The following CDH8 variants were observed in gnomAD, a reference collection of about 807,000 sequenced individuals.
The protein encoded by CDH8 is cadherin 8.
A neutral mutation model predicts 68.1 loss-of-function variants in CDH8; 17 were observed. That is an observed-to-expected ratio of 0.25 (90% CI 0.17 to 0.37). CDH8 has a LOEUF of 0.37. Ranked by LOEUF, CDH8 falls within the 10% of genes least tolerant of loss-of-function variation. The pLI, the probability that CDH8 is intolerant of heterozygous loss-of-function variation, is 1.00. For missense variants in CDH8, 763 were observed against 999.3 expected (o/e 0.76, Z 3.19); for synonymous variants, 372 against 365.1 (o/e 1.02, Z -0.21).
At chr16:61,726,999 A>G (rs755069578) in intron 9 of CDH8, 95 bp downstream of exon 9, 1 of 1,328,210 alleles carries the variant, frequency 7.5e-7, no homozygotes, top group Admixed American at 1.8e-5. Context: ...TTTGCAGATC[A>G]TAAATGATGC....
intron 8 of CDH8, among the ~76,000 whole-genome samples, chr16:61,768,344 C>T (rs954778946): frequency 5.6e-4 from 62 of 111,364 alleles, no homozygotes; most frequent in African/African-American, 2.2e-3. Flanking sequence ...CTCTCTCTCT[C>T]TCTCTCTCTC....
chr16:61,654,735 T>A (rs1181732689), intron 11 of CDH8, among the ~76,000 whole-genome samples: 1 of 152,096 alleles, frequency 6.6e-6, no homozygotes, highest in Admixed American at 6.6e-5. Flanking sequence ...GCAAAATATG[T>A]CATCAAAGTG....
chr16:61,763,934 A>G (rs1960528608), intron 8 of CDH8, among the ~76,000 whole-genome samples: 1 of 152,156 alleles, frequency 6.6e-6, no homozygotes, highest in African/African-American at 2.4e-5. Context: ...AATAGTTAAC[A>G]ATCGCAACTA....
intron 2 of CDH8, among the ~76,000 whole-genome samples, chr16:61,960,255 A>G (rs1276894520): frequency 9.8e-6 from 1 of 102,078 alleles, no homozygotes; most frequent in Non-Finnish European, 1.8e-5. Context: ...GTGTGTATAC[A>G]CATACATATA....
chr16:61,685,294 A>C (rs1964086388), intron 10 of CDH8, among the ~76,000 whole-genome samples: 1 of 151,948 alleles, frequency 6.6e-6, no homozygotes. Flanking sequence ...ATGGCAAATT[A>C]AAGCAAGTTT....
At chr16:61,669,373 A>G (rs1484091673) in intron 10 of CDH8, among the ~76,000 whole-genome samples, 1 of 152,028 alleles carries the variant, frequency 6.6e-6, no homozygotes, top group African/African-American at 2.4e-5. Context: ...AGCATGCCGC[A>G]ATACAGTGGT....
chr16:61,810,013 C>G (rs1252357796), intron 7 of CDH8, among the ~76,000 whole-genome samples: 5 of 152,156 alleles, frequency 3.3e-5, no homozygotes, highest in Non-Finnish European at 7.4e-5. Flanking sequence ...CATAAATGCA[C>G]TTTTATATCA....
chr16:61,937,172 T>A (rs777353050), intron 2 of CDH8, among the ~76,000 whole-genome samples: 2 of 152,186 alleles, frequency 1.3e-5, no homozygotes, highest in Non-Finnish European at 2.9e-5. Context: ...AGTTAGTGAG[T>A]CTTCTCTGTG....
chr16:61,969,637 T>C (rs1301266001), intron 2 of CDH8, among the ~76,000 whole-genome samples: 1 of 152,236 alleles, frequency 6.6e-6, no homozygotes, highest in Admixed American at 6.5e-5. Context: ...AAAGATTTAC[T>C]GACCATCTGA....
intron 2 of CDH8, among the ~76,000 whole-genome samples, chr16:61,939,974 C>T (rs762777539): frequency 7.9e-5 from 12 of 152,160 alleles, no homozygotes; most frequent in Admixed American, 1.3e-4. Context: ...CACAAAACAT[C>T]AAACCACTTC....
chr16:61,799,345 C>G (rs1316193220), intron 7 of CDH8, among the ~76,000 whole-genome samples: 1 of 152,134 alleles, frequency 6.6e-6, no homozygotes, highest in Non-Finnish European at 1.5e-5. Flanking sequence ...CAGTTCAGAC[C>G]ATAGGACCAG....
chr16:61,884,781 T>C (rs1963642502), intron 3 of CDH8, among the ~76,000 whole-genome samples: 1 of 152,302 alleles, frequency 6.6e-6, no homozygotes, highest in East Asian at 1.9e-4. Context: ...TAACTGCTTA[T>C]GTTATTGATA....
At chr16:61,859,823 A>G (rs1233427571) in intron 3 of CDH8, among the ~76,000 whole-genome samples, 1 of 152,122 alleles carries the variant, frequency 6.6e-6, no homozygotes, top group African/African-American at 2.4e-5. Flanking sequence ...TGATTGGGCC[A>G]TGAGGGCACC....
At chr16:61,985,846 A>G (rs1965615466) in intron 2 of CDH8, among the ~76,000 whole-genome samples, 1 of 150,488 alleles carries the variant, frequency 6.6e-6, no homozygotes, top group South Asian at 2.1e-4. Flanking sequence ...CAACCTTTGC[A>G]TTACCCAACA....
chr16:61,801,222 T>A (rs1329885783), intron 7 of CDH8, among the ~76,000 whole-genome samples: 1 of 152,182 alleles, frequency 6.6e-6, no homozygotes, highest in Admixed American at 6.5e-5. Flanking sequence ...ATTTTACAAA[T>A]ACATGTAATT....
intron 8 of CDH8, among the ~76,000 whole-genome samples, chr16:61,765,429 T>C (rs1177792457): frequency 6.6e-6 from 1 of 152,006 alleles, no homozygotes; most frequent in Non-Finnish European, 1.5e-5. Flanking sequence ...CTGAAATTCA[T>C]CAAAATTAGT....
At chr16:61,861,434 T>C (rs1415262881) in intron 3 of CDH8, among the ~76,000 whole-genome samples, 1 of 152,196 alleles carries the variant, frequency 6.6e-6, no homozygotes, top group Non-Finnish European at 1.5e-5. Context: ...ACAAGACTGA[T>C]GATGAACATA....
chr16:61,925,483 A>G (rs1964442261), intron 2 of CDH8, among the ~76,000 whole-genome samples: 1 of 152,228 alleles, frequency 6.6e-6, no homozygotes, highest in African/African-American at 2.4e-5. Context: ...CAGAAGGAGG[A>G]GAAACATTAT....
At chr16:61,810,856 CTG>C (rs1961926914) in intron 7 of CDH8, among the ~76,000 whole-genome samples, 1 of 151,900 alleles carries the variant, frequency 6.6e-6, no homozygotes, top group African/African-American at 2.4e-5. Context: ...AACCTCATCT[CTG>C]TTAAAAATAC....
Sources: gnomAD v4.1 joint callset for allele counts (sites outside exome capture counted in the v4.1 genomes callset) on GRCh38, gnomAD v4.1.1 for gene constraint, MANE v1.5 for transcripts, NCBI Gene and HGNC (gene_info 2026-07-23, HGNC 2026-07-21) for gene names.